The following ACAT1 variants were observed in gnomAD, a reference collection of about 807,000 sequenced individuals.
ACAT1 encodes acetyl-CoA acetyltransferase, mitochondrial.
ACAT1 carries 28 observed loss-of-function variants against 47.3 expected under a neutral mutation model. The ratio of observed to expected loss-of-function variants is 0.59; its 90% CI spans 0.44 to 0.81. The LOEUF is 0.81. Ranked by LOEUF, ACAT1 falls within the 30% of genes least tolerant of loss-of-function variation. ACAT1 has a pLI of 0.00. For missense variants in ACAT1, 469 were observed against 524.3 expected (o/e 0.89, Z 1.03); for synonymous variants, 181 against 173.6 (o/e 1.04, Z -0.34).
At chr11:108,121,704 C>T in intron 1 of ACAT1, 26 bp downstream of exon 1, 1 of 1,546,314 alleles carries the variant, frequency 6.5e-7, no homozygotes. Context: ...CCCCACAGCA[C>T]TCAGACCCGG....
chr11:108,126,632 T>G (rs2077251655), intron 1 of ACAT1, among the ~76,000 whole-genome samples: 1 of 152,002 alleles, frequency 6.6e-6, no homozygotes, highest in Non-Finnish European at 1.5e-5. Flanking sequence ...GATGGTGGCT[T>G]GGACTAGGTG....
At chr11:108,125,971 C>T (rs2077240539) in intron 1 of ACAT1, among the ~76,000 whole-genome samples, 1 of 151,606 alleles carries the variant, frequency 6.6e-6, no homozygotes, top group Admixed American at 6.6e-5. Flanking sequence ...ATGAGCCAGC[C>T]ATGGAGAGCT....
chr11:108,126,368 C>A (rs962044339), intron 1 of ACAT1, among the ~76,000 whole-genome samples: 1 of 152,130 alleles, frequency 6.6e-6, no homozygotes, highest in African/African-American at 2.4e-5. Context: ...GGGTTTAGAA[C>A]AAAGAGATGC....
At position 108,142,496 on chromosome 11, in the gene ACAT1, A is replaced by G. The variant is rs368802454; in HGVS notation, c.886A>G (p.Met296Val). ...LNDGAAALVL[M>V]TADAAKRLNV... ...TGATGGAGCAGCTGCTCTGGTTCTC[A>G]TGACGGCAGATGCAGCGAAGAGGCT... The change falls in exon 9 of 12, where the codon ATG becomes GTG. Residue 296 changes from methionine to valine, a missense_variant. Met to Val is a conservative substitution (Grantham distance 21). Coordinates refer to ENST00000265838, the MANE Select transcript of ACAT1 (RefSeq NM_000019.4). 5 of 1,614,094 alleles carry G rather than the reference A, an allele frequency of 3.1e-6. No homozygotes were observed. Among genetic ancestry groups the G allele is most frequent in the African/African-American group, 2.7e-5 (2 of 74,934 alleles).
chr11:108,119,405 T>C (rs961620253), upstream of ACAT1, among the ~76,000 whole-genome samples: 2 of 152,098 alleles, frequency 1.3e-5, no homozygotes, highest in African/African-American at 4.8e-5. Context: ...GGTTTTGCTA[T>C]GTTGGCCAGG....
chr11:108,131,185 C>T (rs2077349435), intron 1 of ACAT1, among the ~76,000 whole-genome samples: 1 of 151,930 alleles, frequency 6.6e-6, no homozygotes, highest in Non-Finnish European at 1.5e-5. Context: ...GTGTTTGCCT[C>T]ATATAAATCA....
chr11:108,128,296 TA>T (rs1421283287), intron 1 of ACAT1, among the ~76,000 whole-genome samples: 1 of 151,636 alleles, frequency 6.6e-6, no homozygotes, highest in Non-Finnish European at 1.5e-5. Flanking sequence ...CAAAGAGAAC[TA>T]AAGTAAGGTG....
At chr11:108,132,935 A>G (rs2077392609) in intron 2 of ACAT1, among the ~76,000 whole-genome samples, 1 of 149,868 alleles carries the variant, frequency 6.7e-6, no homozygotes, top group South Asian at 2.1e-4. Flanking sequence ...CTGTGATCCC[A>G]GCACTTTGGG....
In ACAT1 at chr11:108,143,984, A is replaced by T; in HGVS notation, c.942A>T (p.Ala314=). 1 of 558,838 alleles carries T rather than the reference A, an allele frequency of 1.8e-6. No individual in the cohort carries two copies. The highest frequency in any genetic ancestry group is 3.3e-6 in the Non-Finnish European group (1 of 299,410). The allele number at this position is 558,838 out of a possible 1,614,324, so 34.6% of individuals were successfully genotyped here. A position where few individuals can be genotyped will look rare whatever the true frequency, so the allele number is the denominator to read the frequency against. ...CCCCCCCCCCCTTTTTTTAAACAGC[A>T]TTTGCTGACGCTGCTGTAGAACCTA... The part of the protein sequence containing the change: ...LNVTPLARIV[A]FADAAVEPID... Residue 314 remains alanine, a splice_region_variant and synonymous_variant, in exon 10 of 12, where the codon GCA becomes GCT. Transcript: ENST00000265838.
rs562709043 is a variant in ACAT1, at chr11:108,142,629, G to C, written c.940+79G>C. 5 of 1,218,168 alleles carry C rather than the reference G, an allele frequency of 4.1e-6. No homozygotes were observed. The East Asian group carries it at 9.6e-5, about 23-fold the overall frequency. The allele number at this position is 1,218,168 out of a possible 1,614,324, so 75.5% of individuals were successfully genotyped here. On this transcript the variant is annotated intron_variant, in intron 9 of 11. Coordinates refer to ENST00000265838, the MANE Select transcript of ACAT1 (RefSeq NM_000019.4). ...AGGTGGGAGGATTGCTTGAGCCCCG[G>C]AGTTCGAAATCAGCCTGGGCAATAT...
At position 108,133,867 on chromosome 11, in the gene ACAT1, AG is replaced by A; in HGVS notation, c.170del (p.Gly57AlafsTer30). The A allele has an allele frequency of 3.7e-6, 6 of 1,614,102 alleles. No individual in the cohort carries two copies. Among genetic ancestry groups the A allele is most frequent in the Non-Finnish European group, 5.1e-6 (6 of 1,180,006 alleles). On this transcript the variant is annotated frameshift_variant, in exon 3 of 12. Coordinates refer to ENST00000265838, the MANE Select transcript of ACAT1 (RefSeq NM_000019.4). LOFTEE classifies it high-confidence loss of function. ...ATRTPIGSFL[G>X]SLSLLPATKL... ...CAAGAACACCCATTGGATCTTTTTT[AG>A]GCAGCCTTTCCTTGCTGCCAGCCAC... is the stretch of plus-strand genomic sequence containing the variant.
intron 7 of ACAT1, 86 bp from the exon 8 acceptor site, chr11:108,141,517 GCA>G (rs1375093573): frequency 1.1e-6 from 1 of 915,972 alleles, no homozygotes; most frequent in African/African-American, 1.6e-5. Flanking sequence ...ACAAAGGGAG[GCA>G]CAGACTACTA....
chr11:108,132,853 CAAAAAAA>C (rs57501370), intron 2 of ACAT1, among the ~76,000 whole-genome samples: 22 of 47,902 alleles, frequency 4.6e-4, no homozygotes, highest in African/African-American at 1.5e-3. Context: ...AACTCCATCT[CAAAAAAA>C]AAAAAAAAAA....
At chr11:108,145,640 T>C (rs1565297164) in intron 10 of ACAT1, among the ~76,000 whole-genome samples, 2 of 152,214 alleles carry the variant, frequency 1.3e-5, no homozygotes, top group Non-Finnish European at 2.9e-5. Context: ...ATAGAAAATG[T>C]ACCTTTTCAA....
chr11:108,137,315 GTTCCA>G (rs1264371231), intron 5 of ACAT1, among the ~76,000 whole-genome samples: 4 of 152,166 alleles, frequency 2.6e-5, no homozygotes, highest in Non-Finnish European at 4.4e-5. Context: ...GCTTTAACTA[GTTCCA>G]TGTGACCTGA....
chr11:108,123,585 T>C (rs745706784), intron 1 of ACAT1, among the ~76,000 whole-genome samples: 9 of 152,242 alleles, frequency 5.9e-5, no homozygotes, highest in Non-Finnish European at 8.8e-5. Flanking sequence ...ACTCATTACC[T>C]CCCATGTATT....
intron 6 of ACAT1, among the ~76,000 whole-genome samples, chr11:108,139,457 G>A (rs1005157291): frequency 1.3e-5 from 2 of 151,804 alleles, no homozygotes; most frequent in Non-Finnish European, 2.9e-5. Context: ...GCCAGGCGTG[G>A]TGGTGGTGTC....
chr11:108,135,261 C>T lies in ACAT1; in HGVS notation c.435+19C>T, dbSNP rs2135341945. 2 of 1,554,314 alleles carry T rather than the reference C, an allele frequency of 1.3e-6. No individual in the cohort carries two copies. The highest frequency in any genetic ancestry group is 1.8e-6 in the Non-Finnish European group (2 of 1,126,120). On this transcript the variant is annotated intron_variant, in intron 5 of 11. Transcript: ENST00000265838. The stretch of plus-strand genomic sequence containing the variant: ...ACATCAGGTAAGAAACACCGTCCTT[C>T]CCATTTATTAATCAGAGTAATACCT...
At chr11:108,117,614 C>A (rs1864978134), upstream of ACAT1, among the ~76,000 whole-genome samples, 3 of 152,008 alleles carry the variant, frequency 2.0e-5, no homozygotes, top group African/African-American at 7.2e-5. Context: ...TGGCCAGAGA[C>A]CCTGTCCCTT....
Sources: allele counts gnomAD v4.1 joint callset (sites outside exome capture counted in the v4.1 genomes callset), GRCh38; gene constraint gnomAD v4.1.1; transcripts MANE v1.5; gene names NCBI Gene and HGNC (gene_info 2026-07-23, HGNC 2026-07-21).